The following EMCN variants were observed in gnomAD, a reference collection of about 807,000 sequenced individuals.
EMCN encodes MUC-14.
Under a neutral mutation model 38.4 loss-of-function variants are expected in EMCN, and 37 were observed. That is an observed-to-expected ratio of 0.96 (90% CI 0.74 to 1.27). The LOEUF is 1.27. Ranked by LOEUF, EMCN falls within the 50% of genes most tolerant of loss-of-function variation. The pLI is 0.00. For missense variants in EMCN, 318 were observed against 302.8 expected (o/e 1.05, Z -0.37); for synonymous variants, 95 against 100.8 (o/e 0.94, Z 0.35).
intron 8 of EMCN, among the ~76,000 whole-genome samples, chr4:100,418,906 A>G (rs950304907): frequency 6.6e-6 from 1 of 152,122 alleles, no homozygotes; most frequent in African/African-American, 2.4e-5. Flanking sequence ...GTATATACCC[A>G]GCAGCGGGAT....
intron 5 of EMCN, among the ~76,000 whole-genome samples, chr4:100,434,159 A>G (rs1308486188): frequency 2.6e-5 from 4 of 152,148 alleles, no homozygotes; most frequent in Non-Finnish European, 4.4e-5. Flanking sequence ...GAAGTATCAA[A>G]TAGACAAAAT....
chr4:100,499,859 C>G (rs1444800095), intron 1 of EMCN, among the ~76,000 whole-genome samples: 2 of 152,132 alleles, frequency 1.3e-5, no homozygotes, highest in African/African-American at 2.4e-5. Flanking sequence ...TATCTCCCTA[C>G]AAAATGACAA....
intron 1 of EMCN, among the ~76,000 whole-genome samples, chr4:100,496,994 T>TC (rs1729223789): frequency 6.6e-6 from 1 of 151,982 alleles, no homozygotes; most frequent in African/African-American, 2.4e-5. Context: ...CTTTTTTTTT[T>TC]CTCATATTAG....
chr4:100,425,410 G>T (rs1053840506), intron 5 of EMCN, among the ~76,000 whole-genome samples: 4 of 152,066 alleles, frequency 2.6e-5, no homozygotes, highest in Non-Finnish European at 4.4e-5. Flanking sequence ...TAACAAAGTG[G>T]CATTGCCAGA....
At chr4:100,478,704 T>C (rs984305907) in intron 2 of EMCN, among the ~76,000 whole-genome samples, 9 of 152,206 alleles carry the variant, frequency 5.9e-5, no homozygotes, top group African/African-American at 9.6e-5. Flanking sequence ...TAATAAAAAT[T>C]GATAAAAAGT....
chr4:100,426,380 G>T (rs913125208), intron 5 of EMCN, among the ~76,000 whole-genome samples: 1 of 152,048 alleles, frequency 6.6e-6, no homozygotes, highest in Admixed American at 6.6e-5. Flanking sequence ...TTCCCTGATG[G>T]TCTTGCTGAA....
intron 4 of EMCN, among the ~76,000 whole-genome samples, chr4:100,461,636 A>T (rs1288942761): frequency 6.6e-6 from 1 of 152,118 alleles, no homozygotes; most frequent in African/African-American, 2.4e-5. Flanking sequence ...AAAAATACAC[A>T]CCCCTCTAAA....
intron 5 of EMCN, among the ~76,000 whole-genome samples, chr4:100,424,145 T>C (rs551686689): frequency 6.6e-6 from 1 of 152,248 alleles, no homozygotes; most frequent in East Asian, 1.9e-4. Context: ...TCCATAGCTG[T>C]CAATAAGTTT....
intron 1 of EMCN, among the ~76,000 whole-genome samples, chr4:100,506,234 G>C (rs1011134948): frequency 3.3e-5 from 5 of 152,160 alleles, no homozygotes; most frequent in African/African-American, 1.2e-4. Flanking sequence ...CACCTAGAAT[G>C]TGTCTTTAAA....
intron 5 of EMCN, among the ~76,000 whole-genome samples, chr4:100,431,265 G>A (rs1480394977): frequency 1.3e-5 from 2 of 152,140 alleles, no homozygotes; most frequent in Admixed American, 6.6e-5. Context: ...TTCAAGTTAC[G>A]CTAGTTGCTG....
In EMCN at chr4:100,473,386, G is replaced by GTT. The variant is rs58646995; in HGVS notation, c.259+1650_259+1651dup. 2.9e-3 allele frequency among the ~76,000 whole-genome samples: 237 copies of GTT among 82,488 alleles called. 14 individuals are homozygous for GTT. The highest frequency in any genetic ancestry group is 0.018 in the East Asian group (42 of 2,294). 54.1% of individuals were successfully genotyped at this position (82,488 alleles called of 152,430 possible). A position where few individuals can be genotyped will look rare whatever the true frequency, so the allele number is the denominator to read the frequency against. Reference sequence around the variant, plus strand: ...TCGTGTTTTTTTGTTTTTTTTTTTTGTTTTTTTTTTTGCTAATGACATCAC... The same window carrying GTT: ...TCGTGTTTTTTTGTTTTTTTTTTTTGTTTTTTTTTTTTTGCTAATGACATCAC... On this transcript the variant is annotated intron_variant, in intron 3 of 11. Transcript: ENST00000296420.
At chr4:100,459,935 T>A (rs1728129202) in intron 4 of EMCN, among the ~76,000 whole-genome samples, 1 of 152,204 alleles carries the variant, frequency 6.6e-6, no homozygotes. Context: ...TCCTTGGATA[T>A]GTACCCAGAA....
chr4:100,438,293 C>A (rs912285176), intron 5 of EMCN, among the ~76,000 whole-genome samples: 1 of 152,018 alleles, frequency 6.6e-6, no homozygotes, highest in African/African-American at 2.4e-5. Flanking sequence ...TGACATACAA[C>A]ATTTTCAACG....
At chr4:100,491,013 A>G (rs1729063621) in intron 1 of EMCN, among the ~76,000 whole-genome samples, 1 of 151,844 alleles carries the variant, frequency 6.6e-6, no homozygotes, top group African/African-American at 2.4e-5. Context: ...GTTGGGAATT[A>G]TTTTCTTTCT....
At chr4:100,513,990 A>G (rs1729691734) in intron 1 of EMCN, among the ~76,000 whole-genome samples, 1 of 152,118 alleles carries the variant, frequency 6.6e-6, no homozygotes, top group Non-Finnish European at 1.5e-5. Flanking sequence ...GTACCTTAGG[A>G]GAGTTAGATA....
chr4:100,486,027 C>G (rs1180369068), intron 1 of EMCN, among the ~76,000 whole-genome samples: 1 of 152,074 alleles, frequency 6.6e-6, no homozygotes, highest in East Asian at 1.9e-4. Context: ...CCTAGAGTAA[C>G]TTAAAAGTTT....
At chr4:100,498,436 T>C (rs1419392955) in intron 1 of EMCN, among the ~76,000 whole-genome samples, 1 of 152,100 alleles carries the variant, frequency 6.6e-6, no homozygotes, top group Admixed American at 6.5e-5. Flanking sequence ...AATCAATTAG[T>C]AAAATATCTC....
intron 3 of EMCN, among the ~76,000 whole-genome samples, chr4:100,473,507 A>G (rs1728553402): frequency 6.6e-6 from 1 of 151,674 alleles, no homozygotes. Context: ...GTCGTAAAAG[A>G]AGCGCAGACA....
chr4:100,494,534 A>G (rs996981973), intron 1 of EMCN, among the ~76,000 whole-genome samples: 1 of 152,130 alleles, frequency 6.6e-6, no homozygotes, highest in Non-Finnish European at 1.5e-5. Context: ...TTGCTTCATT[A>G]TTTAAAAGTA....
Sources: allele counts gnomAD v4.1 joint callset (sites outside exome capture counted in the v4.1 genomes callset), GRCh38; gene constraint gnomAD v4.1.1; transcripts MANE v1.5; gene names NCBI Gene and HGNC (gene_info 2026-07-23, HGNC 2026-07-21).